Variants in ARID1B observed in about 807,000 individuals in gnomAD.
The protein encoded by ARID1B is AT-rich interactive domain-containing protein 1B.
In ARID1B, 30 loss-of-function variants were observed where a neutral mutation model predicts 212.3. The ratio of observed to expected loss-of-function variants is 0.14; its 90% CI spans 0.11 to 0.19. ARID1B has a LOEUF of 0.19. Among genes scored for constraint, ARID1B ranks in the 10% least tolerant of loss-of-function variants. The pLI, the probability that ARID1B is intolerant of heterozygous loss-of-function variation, is 1.00. For synonymous variants in ARID1B, 1,402 were observed against 1,301.7 expected (o/e 1.08, Z -1.66); for missense variants, 2,891 against 3,204.0 (o/e 0.90, Z 2.36).
intron 2 of ARID1B, among the ~76,000 whole-genome samples, chr6:156,876,318 T>C (rs768560992): frequency 1.3e-5 from 2 of 152,194 alleles, no homozygotes; most frequent in African/African-American, 4.8e-5. Flanking sequence ...GCCTCACCCA[T>C]CCGGCCCTGT....
At chr6:157,160,565 A>T (rs1176784760) in intron 8 of ARID1B, among the ~76,000 whole-genome samples, 1 of 152,098 alleles carries the variant, frequency 6.6e-6, no homozygotes, top group African/African-American at 2.4e-5. Context: ...CTTGCCTCCG[A>T]TGTGTTCTTC....
At chr6:156,845,302 G>A (rs956646478) in intron 2 of ARID1B, among the ~76,000 whole-genome samples, 4 of 152,278 alleles carry the variant, frequency 2.6e-5, no homozygotes, top group South Asian at 4.2e-4. Flanking sequence ...CTCCTGGCCC[G>A]CTGCGCATTC....
At chr6:157,005,700 G>A (rs770246065) in intron 4 of ARID1B, among the ~76,000 whole-genome samples, 1 of 152,098 alleles carries the variant, frequency 6.6e-6, no homozygotes, top group South Asian at 2.1e-4. Context: ...TCCCAATACC[G>A]TAAAGTTTAT....
Position 157,201,111 on chromosome 6 carries a change from T to A in ARID1B, c.4886T>A (p.Ile1629Lys), listed in dbSNP as rs1562346107. The stretch of plus-strand genomic sequence containing the variant: ...GATATGATGGTACCCGATCAGAGGA[T>A]AAATCATGAGAGCCAGTGGCCTTCT... The part of the protein sequence containing the change: ...TDDMMVPDQR[I>K]NHESQWPSHV... Residue 1629 changes from isoleucine (I) to lysine (K), a missense_variant, in exon 18 of 20, where the codon ATA (isoleucine) becomes AAA (lysine). By Grantham distance (102) the Ile-to-Lys change is moderately radical (BLOSUM62 -3). Coordinates refer to ENST00000636930, the MANE Select transcript of ARID1B (RefSeq NM_001374828.1). The surrounding 1 kb of genome is among the most constrained non-coding windows in gnomAD (Gnocchi z 5.2). 1 of 1,614,110 alleles carries A rather than the reference T, an allele frequency of 6.2e-7. No individual in the cohort carries two copies.
intron 2 of ARID1B, among the ~76,000 whole-genome samples, chr6:156,841,877 T>G (rs2128087049): frequency 6.6e-6 from 1 of 152,304 alleles, no homozygotes; most frequent in Non-Finnish European, 1.5e-5. Flanking sequence ...AGCATTTCAG[T>G]TCCTTAGCGC....
rs536706385 is a variant in ARID1B, at chr6:157,073,325, A to G, written c.2248-11337A>G. On this transcript the variant is annotated intron_variant, in intron 4 of 19. Coordinates refer to ENST00000636930, the MANE Select transcript of ARID1B (RefSeq NM_001374828.1). ...CACCGTGTTGGCCAGGCTGGCCTCA[A>G]ACTCCTGACCTCAGGTGATCTGCCT... 2.0e-5 allele frequency among the ~76,000 whole-genome samples: 3 copies of G among 152,212 alleles called. No homozygotes were observed. The South Asian group carries it at 6.2e-4, about 32-fold the overall frequency.
intron 1 of ARID1B, among the ~76,000 whole-genome samples, chr6:156,800,041 C>G (rs1780669149): frequency 6.6e-6 from 1 of 152,142 alleles, no homozygotes; most frequent in Non-Finnish European, 1.5e-5. Context: ...TCCCTCCTGT[C>G]CCACCAGTTA....
chr6:157,069,386 G>A (rs181329016), intron 4 of ARID1B, among the ~76,000 whole-genome samples: 179 of 152,248 alleles, frequency 1.2e-3, no homozygotes, highest in African/African-American at 4.2e-3. Context: ...GGGCTACCTG[G>A]TTATAAAGCC....
chr6:157,144,005 G>A (rs1025548473), intron 7 of ARID1B, among the ~76,000 whole-genome samples: 5 of 152,202 alleles, frequency 3.3e-5, no homozygotes, highest in Admixed American at 1.3e-4. Flanking sequence ...GTGCTCGAAC[G>A]CATGCTCCCC....
intron 4 of ARID1B, among the ~76,000 whole-genome samples, chr6:156,952,432 C>T (rs1297957256): frequency 1.3e-5 from 2 of 152,232 alleles, no homozygotes; most frequent in East Asian, 3.8e-4. Context: ...GGAACTCCAT[C>T]ATAGGTCCAC....
chr6:156,797,841 G>A (rs1488217855), intron 1 of ARID1B, among the ~76,000 whole-genome samples: 1 of 152,226 alleles, frequency 6.6e-6, no homozygotes, highest in African/African-American at 2.4e-5. Context: ...GTGAGGAGAG[G>A]TGCCTGGGCG....
chr6:156,870,870 G>C (rs57586934), intron 2 of ARID1B, among the ~76,000 whole-genome samples: 1 of 152,080 alleles, frequency 6.6e-6, no homozygotes, highest in Non-Finnish European at 1.5e-5. Flanking sequence ...AAACCTCTTT[G>C]TTATTTTGCA....
chr6:157,021,395 CGCTGGGCGAGGATGA>C (rs1780243802), intron 4 of ARID1B, among the ~76,000 whole-genome samples: 1 of 152,218 alleles, frequency 6.6e-6, no homozygotes, highest in Non-Finnish European at 1.5e-5. Flanking sequence ...GCCGCGGAGG[CGCTGGGCGAGGATGA>C]GGGCGGCGAG....
intron 5 of ARID1B, among the ~76,000 whole-genome samples, chr6:157,088,781 C>G (rs138631609): frequency 6.6e-6 from 1 of 152,298 alleles, no homozygotes; most frequent in Non-Finnish European, 1.5e-5. Flanking sequence ...TGGTGTGTAT[C>G]TATACATCAG....
Position 156,955,410 on chromosome 6 carries a change from C to T in ARID1B, c.2247+19834C>T, listed in dbSNP as rs556002012. On this transcript the variant is annotated intron_variant, in intron 4 of 19. Transcript: ENST00000636930. This position sits in a 1 kb window ranked among gnomAD's most constrained non-coding sequence, Gnocchi z 4.2. The stretch of plus-strand genomic sequence containing the variant: ...CCTGTCCTAGAGACTTTATCTGAGG[C>T]TAGGTGGGGATCCAGAACAACGCTA... Among the ~76,000 whole-genome samples, 1 of 152,230 alleles carries T rather than the reference C, an allele frequency of 6.6e-6. No homozygotes were observed. Among genetic ancestry groups the T allele is most frequent in the African/African-American group, 2.4e-5 (1 of 41,536 alleles).
At chr6:156,949,586 T>C (rs772981198) in intron 4 of ARID1B, among the ~76,000 whole-genome samples, 47 of 152,232 alleles carry the variant, frequency 3.1e-4, no homozygotes, top group Admixed American at 5.9e-4. Context: ...AACAGGCGGC[T>C]GACTCTTGTC....
intron 1 of ARID1B, among the ~76,000 whole-genome samples, chr6:156,795,960 T>C (rs1308477383): frequency 1.3e-5 from 2 of 152,146 alleles, no homozygotes; most frequent in African/African-American, 4.8e-5. Flanking sequence ...CTGCTGGGGT[T>C]CCTGCGCGGT....
At chr6:156,852,509 A>G (rs1784646755) in intron 2 of ARID1B, among the ~76,000 whole-genome samples, 1 of 152,020 alleles carries the variant, frequency 6.6e-6, no homozygotes, top group African/African-American at 2.4e-5. Context: ...TCATTAATTC[A>G]GTGTTTTCAT....
In ARID1B at chr6:157,190,328, G is replaced by T. The variant is rs767590261; in HGVS notation, c.4231+118G>T. 5.7e-5 allele frequency: 69 copies of T among 1,217,564 alleles called. No individual in the cohort carries two copies. The highest frequency in any genetic ancestry group is 7.6e-5 in the Non-Finnish European group (68 of 898,948). 75.4% of individuals were successfully genotyped at this position (1,217,564 alleles called of 1,614,324 possible). On this transcript the variant is annotated intron_variant, in intron 15 of 19. Transcript: ENST00000636930. This position sits in a 1 kb window ranked among gnomAD's most constrained non-coding sequence, Gnocchi z 4.6. ...CTGAGCCCATGCTGCATCGGTGTGGGTCCCAGGTCCCCATCCTACTCCACT... is the reference window on the plus strand; with the variant it reads ...CTGAGCCCATGCTGCATCGGTGTGGTTCCCAGGTCCCCATCCTACTCCACT...
Sources: gnomAD v4.1 joint callset for allele counts (sites outside exome capture counted in the v4.1 genomes callset) on GRCh38, gnomAD v4.1.1 for gene constraint, Gnocchi (gnomAD v3.1) non-coding constraint, MANE v1.5 for transcripts, NCBI Gene and HGNC (gene_info 2026-07-23, HGNC 2026-07-21) for gene names.